The following XKR6 variants were observed in gnomAD, a reference collection of about 807,000 sequenced individuals.
The protein encoded by XKR6 is XK-related protein 6.
Under a neutral mutation model 56.7 loss-of-function variants are expected in XKR6, and 22 were observed. The ratio of observed to expected loss-of-function variants is 0.39; its 90% CI spans 0.28 to 0.55. The LOEUF (loss-of-function observed/expected upper bound fraction) is 0.55. XKR6 is among the 20% of genes least tolerant of loss of function. The pLI is 0.66. For synonymous variants in XKR6, 524 were observed against 387.8 expected, an observed-to-expected ratio of 1.35 and a Z score of -4.13; for missense variants, 852 against 889.0, an observed-to-expected ratio of 0.96 and a Z score of 0.53.
chr8:11,111,008 ATTTTTTTTTTTTTT>A (rs58233543), intron 1 of XKR6, among the ~76,000 whole-genome samples: 61,766 of 114,530 alleles, frequency 0.54, 14,746 homozygotes, highest in African/African-American at 0.64. Context: ...GGCTTTTTCT[ATTTTTTTTTTTTTT>A]TTTTTTTTTT....
intron 1 of XKR6, among the ~76,000 whole-genome samples, chr8:11,191,980 C>T (rs772503941): frequency 7.9e-5 from 12 of 152,032 alleles, no homozygotes; most frequent in African/African-American, 2.9e-4. Flanking sequence ...AGAGGTGCAA[C>T]ATCAGGATAG....
chr8:10,906,422 G>A (rs1268498074), intron 2 of XKR6, among the ~76,000 whole-genome samples: 3 of 152,120 alleles, frequency 2.0e-5, no homozygotes, highest in Non-Finnish European at 4.4e-5. Context: ...TCACATGCAG[G>A]GCACTACCTG....
intron 1 of XKR6, among the ~76,000 whole-genome samples, chr8:10,976,694 G>T (rs1262872435): frequency 6.6e-6 from 1 of 152,100 alleles, no homozygotes; most frequent in Admixed American, 6.5e-5. Flanking sequence ...TGGATGAATG[G>T]ATGTCACAAA....
intron 1 of XKR6, among the ~76,000 whole-genome samples, chr8:11,012,792 A>G (rs1444258866): frequency 6.6e-6 from 1 of 152,192 alleles, no homozygotes; most frequent in Non-Finnish European, 1.5e-5. Flanking sequence ...GCCACAAACT[A>G]ATACATTTTA....
intron 2 of XKR6, among the ~76,000 whole-genome samples, chr8:10,906,089 C>A (rs928098739): frequency 1.3e-5 from 2 of 152,168 alleles, no homozygotes; most frequent in Non-Finnish European, 2.9e-5. Context: ...ATACTGAAAC[C>A]CGAGACTATT....
At chr8:11,094,083 C>CT (rs35652292) in intron 1 of XKR6, among the ~76,000 whole-genome samples, 28,168 of 137,708 alleles carry the variant, frequency 0.2, 3,298 homozygotes, top group African/African-American at 0.31. Flanking sequence ...CGCGCCCGGC[C>CT]TTTTTTTTTT....
At chr8:11,199,226 C>T (rs1442616225) in intron 1 of XKR6, among the ~76,000 whole-genome samples, 1 of 152,128 alleles carries the variant, frequency 6.6e-6, no homozygotes, top group African/African-American at 2.4e-5. Flanking sequence ...ACGGAACCAC[C>T]CTCACTTCCC....
intron 1 of XKR6, among the ~76,000 whole-genome samples, chr8:11,121,649 G>A (rs577160823): frequency 8.5e-5 from 13 of 152,290 alleles, no homozygotes; most frequent in East Asian, 5.8e-4. Context: ...GATCTAGAAC[G>A]GGAAACACCA....
At chr8:10,960,011 G>T (rs77827480) in intron 1 of XKR6, among the ~76,000 whole-genome samples, 1 of 152,286 alleles carries the variant, frequency 6.6e-6, no homozygotes, top group Non-Finnish European at 1.5e-5. Flanking sequence ...GAAGGTCAGG[G>T]GGGGGCCTCC....
In XKR6 at chr8:11,165,090, CTTTTTTTTTTTT is replaced by C. The variant is rs35783491; in HGVS notation, c.764+35474_764+35485del. Among the ~76,000 whole-genome samples, 172 of 82,510 alleles carry C rather than the reference CTTTTTTTTTTTT, an allele frequency of 2.1e-3. 1 individual carries two copies. Among genetic ancestry groups the C allele is most frequent in the Middle Eastern group, 0.02 (2 of 102 alleles). The allele number at this position is 82,510 out of a possible 152,430, so 54.1% of individuals were successfully genotyped here. A position where few individuals can be genotyped will look rare whatever the true frequency, so the allele number is the denominator to read the frequency against. The stretch of plus-strand genomic sequence containing the variant: ...ACACAACCATTCCCTAGGCTATCAC[CTTTTTTTTTTTT>C]TTTTTTTTTTTTTTTGAGACAGAGT... On this transcript the variant is annotated intron_variant, in intron 1 of 2. Coordinates refer to ENST00000416569, the MANE Select transcript of XKR6 (RefSeq NM_173683.4).
At chr8:11,082,807 G>C (rs1465510117) in intron 1 of XKR6, among the ~76,000 whole-genome samples, 3 of 152,234 alleles carry the variant, frequency 2.0e-5, no homozygotes, top group Admixed American at 6.5e-5. Context: ...GCAGGAGACT[G>C]AGTGATGTTA....
At chr8:11,120,918 G>C (rs543454804) in intron 1 of XKR6, among the ~76,000 whole-genome samples, 20 of 152,162 alleles carry the variant, frequency 1.3e-4, no homozygotes, top group African/African-American at 3.9e-4. Context: ...ACAAACCTGA[G>C]AAAAACAAGC....
chr8:10,992,356 A>C (rs1563332888), intron 1 of XKR6, among the ~76,000 whole-genome samples: 1 of 152,148 alleles, frequency 6.6e-6, no homozygotes, highest in Non-Finnish European at 1.5e-5. Flanking sequence ...ATTAGAATGA[A>C]GACTCCATCT....
intron 1 of XKR6, among the ~76,000 whole-genome samples, chr8:11,077,995 C>G (rs1302641656): frequency 2.0e-5 from 3 of 152,252 alleles, no homozygotes; most frequent in Non-Finnish European, 4.4e-5. Context: ...CTGACAAGCA[C>G]TGACCCTCCA....
chr8:10,918,822 T>C (rs189888095), intron 2 of XKR6, among the ~76,000 whole-genome samples: 2 of 152,258 alleles, frequency 1.3e-5, no homozygotes, highest in East Asian at 1.9e-4. Context: ...CCACCCCCAG[T>C]AGCCCTATTG....
chr8:10,962,656 C>G (rs578090060), intron 1 of XKR6, among the ~76,000 whole-genome samples: 10 of 152,006 alleles, frequency 6.6e-5, no homozygotes, highest in African/African-American at 2.4e-4. Flanking sequence ...GACAGAGTCT[C>G]ACTCTGTTGT....
At position 11,158,990 on chromosome 8, in the gene XKR6, G is replaced by T. The variant is rs900058000; in HGVS notation, c.764+41586C>A. 3.3e-5 allele frequency among the ~76,000 whole-genome samples: 5 copies of T among 152,318 alleles called. 1 individual carries two copies. The South Asian group carries it at 1.0e-3, about 32-fold the overall frequency. The stretch of plus-strand genomic sequence containing the variant: ...GGACACGTGATTAAAAGTGTGGCTT[G>T]TGAGGCCAAACTGCATGGTTCTGAA... On this transcript the variant is annotated intron_variant, in intron 1 of 2. Transcript: ENST00000416569.
intron 1 of XKR6, among the ~76,000 whole-genome samples, chr8:11,119,217 C>T (rs562748755): frequency 6.6e-6 from 1 of 152,222 alleles, no homozygotes; most frequent in Admixed American, 6.5e-5. Flanking sequence ...CTGAGGAGTG[C>T]TTTACTTCCA....
chr8:11,170,468 G>A (rs1802311592), intron 1 of XKR6, among the ~76,000 whole-genome samples: 1 of 152,154 alleles, frequency 6.6e-6, no homozygotes, highest in Non-Finnish European at 1.5e-5. Flanking sequence ...CACATTCTAT[G>A]ACTCATTAAT....
Sources: allele counts gnomAD v4.1 joint callset (sites outside exome capture counted in the v4.1 genomes callset), GRCh38; gene constraint gnomAD v4.1.1; transcripts MANE v1.5; gene names NCBI Gene and HGNC (gene_info 2026-07-23, HGNC 2026-07-21).